The following TOPAZ1 variants were observed in gnomAD, a reference collection of about 807,000 sequenced individuals.
TOPAZ1 encodes the protein testis and ovary specific TOPAZ 1.
Under a neutral mutation model 172.2 loss-of-function variants are expected in TOPAZ1, and 66 were observed. The observed-to-expected ratio is 0.38, with a 90% CI of 0.31 to 0.47. The LOEUF is 0.47. TOPAZ1 is among the 20% of genes least tolerant of loss of function. The pLI is 0.99. For synonymous variants in TOPAZ1, 681 were observed against 683.9 expected (o/e 1.00, Z 0.07); for missense variants, 1,822 against 1,972.4 (o/e 0.92, Z 1.44).
chr3:44,257,218 C>T (rs932786879), intron 4 of TOPAZ1, among the ~76,000 whole-genome samples: 1 of 151,348 alleles, frequency 6.6e-6, no homozygotes, highest in African/African-American at 2.4e-5. Context: ...ACCTGTAGTC[C>T]CAGCTACTTG....
In TOPAZ1 at chr3:44,328,444, A is replaced by C. The variant is rs947766350; in HGVS notation, c.4859+11A>C. 6 of 1,490,896 alleles carry C rather than the reference A, an allele frequency of 4.0e-6. No individual in the cohort carries two copies. In the African/African-American group the frequency reaches 7.2e-5, roughly 18 times the overall value. The allele number at this position is 1,490,896 out of a possible 1,614,324, so 92.4% of individuals were successfully genotyped here. On this transcript the variant is annotated intron_variant, in intron 19 of 19. Coordinates refer to ENST00000309765, the MANE Select transcript of TOPAZ1 (RefSeq NM_001145030.2). ...GATAGTTTTGAAAAGGTTGGTTGAC[A>C]TAACTTTAACTGCATTCTGAATGTA... is the stretch of plus-strand genomic sequence containing the variant.
intron 18 of TOPAZ1, 131 bp from the exon 19 acceptor site, chr3:44,328,119 G>A: frequency 1.8e-6 from 1 of 546,012 alleles, no homozygotes; most frequent in Non-Finnish European, 3.1e-6. Context: ...AAGCTATCAT[G>A]TAATTTGTTA....
chr3:44,243,372 G>A lies in TOPAZ1; in HGVS notation c.866G>A (p.Gly289Glu). The change falls in exon 2 of 20, where the codon GGA becomes GAA. Residue 289 changes from glycine (G) to glutamate (E), a missense_variant. Gly to Glu is a moderately conservative substitution (Grantham distance 98). Around this residue, in one of 2 missense-constraint regions of TOPAZ1, gnomAD observed 1,489 missense variants for 1,490.8 expected, o/e 1.00. Transcript: ENST00000309765. ...QLLQTEENVMGVNKLLPEESD... is the reference protein window; with the variant it reads ...QLLQTEENVMEVNKLLPEESD... ...TTACAAACAGAAGAAAATGTAATGG[G>A]AGTAAATAAGTTACTACCAGAAGAG... The A allele has an allele frequency of 2.6e-6, 4 of 1,550,786 alleles. No homozygotes were observed. Among genetic ancestry groups the A allele is most frequent in the South Asian group, 2.4e-5 (2 of 83,820 alleles).
intron 7 of TOPAZ1, 34 bp downstream of exon 7, chr3:44,269,335 C>T: frequency 7.8e-7 from 1 of 1,277,802 alleles, no homozygotes; most frequent in East Asian, 2.5e-5. Context: ...AATAATCTGT[C>T]TCTTTCTCCT....
Position 44,310,424 on chromosome 3 carries a change from G to A in TOPAZ1, c.4306+434G>A, listed in dbSNP as rs190190361. On this transcript the variant is annotated intron_variant, in intron 16 of 19. Transcript: ENST00000309765. ...TGAGGCAGGAGAATCGCTTGAACCC[G>A]GGAGGCGGAGGTTGCAGTGAGCCGA... Among the ~76,000 whole-genome samples the A allele has an allele frequency of 4.2e-3, 636 of 152,188 alleles. 3 individuals are homozygous for A. The highest frequency in any genetic ancestry group is 6.1e-3 in the Non-Finnish European group (418 of 68,024).
Position 44,243,698 on chromosome 3 carries a change from G to T in TOPAZ1, c.1192G>T (p.Val398Phe), listed in dbSNP as rs888132836. ...TVSLMDHLLS[V>F]PETVEKETSS... is the part of the protein sequence containing the mutation. ...CTCTTTGATGGATCATTTATTAAGT[G>T]TCCCAGAAACAGTAGAAAAAGAAAC... The change falls in exon 2 of 20, where the codon GTC (valine) becomes TTC (phenylalanine). Residue 398 changes from valine (V) to phenylalanine (F), a missense_variant. Transcript: ENST00000309765. 1 of 1,550,358 alleles carries T rather than the reference G, an allele frequency of 6.5e-7. No individual in the cohort carries two copies. The highest frequency in any genetic ancestry group is 2.0e-5 in the Admixed American group (1 of 50,822).
At chr3:44,276,739 G>T in intron 8 of TOPAZ1, among the ~76,000 whole-genome samples, 1 of 140,324 alleles carries the variant, frequency 7.1e-6, no homozygotes, top group African/African-American at 2.6e-5. Flanking sequence ...AAATGACATT[G>T]GTATTTTAAT....
chr3:44,244,507 A>G lies in TOPAZ1; in HGVS notation c.2001A>G (p.Gln667=). The part of the protein sequence containing the change: ...KTIHRKACIA[Q]QTFIVPDLVK... ...TTCATCGAAAAGCATGCATTGCTCA[A>G]CAAACATTTATAGTTCCAGACTTGG... Residue 667 remains glutamine (Q), a synonymous_variant, in exon 2 of 20, where the codon CAA becomes CAG. Transcript: ENST00000309765. 1.9e-6 allele frequency: 3 copies of G among 1,551,616 alleles called. No individual in the cohort carries two copies. The highest frequency in any genetic ancestry group is 2.6e-6 in the Non-Finnish European group (3 of 1,146,954).
chr3:44,329,530 T>C (rs1490985587), intron 19 of TOPAZ1, among the ~76,000 whole-genome samples: 1 of 152,218 alleles, frequency 6.6e-6, no homozygotes, highest in African/African-American at 2.4e-5. Flanking sequence ...TTGTGACCTA[T>C]ATCAAGCAAG....
chr3:44,301,633 G>A (rs981791623), intron 12 of TOPAZ1, among the ~76,000 whole-genome samples: 10 of 152,044 alleles, frequency 6.6e-5, no homozygotes, highest in African/African-American at 1.2e-4. Context: ...TTTTCTGTTC[G>A]TATATTTGAG....
downstream of TOPAZ1, among the ~76,000 whole-genome samples, chr3:44,336,282 A>G (rs1474290628): frequency 6.6e-6 from 1 of 152,240 alleles, no homozygotes; most frequent in Admixed American, 6.5e-5. Flanking sequence ...ACAGGGCTAA[A>G]AAGGAGTAAA....
chr3:44,241,969 A>T lies in TOPAZ1; in HGVS notation c.-85A>T, dbSNP rs1311571045. The T allele has an allele frequency of 2.5e-5, 32 of 1,285,874 alleles. No individual in the cohort carries two copies. In the Admixed American group the frequency reaches 5.4e-4, roughly 22 times the overall value. 79.7% of individuals were successfully genotyped at this position (1,285,874 alleles called of 1,614,324 possible). ...TGGGGTGGGTCAGAGGGCAGTAGGT[A>T]CCTCCAGGCGGGAGCAGCGTTTGCA... On this transcript the variant is annotated 5_prime_UTR_variant, in exon 1 of 20. Coordinates refer to ENST00000309765, the MANE Select transcript of TOPAZ1 (RefSeq NM_001145030.2).
Position 44,297,077 on chromosome 3 carries a change from A to G in TOPAZ1, c.3797+6191A>G, listed in dbSNP as rs999098606. On this transcript the variant is annotated intron_variant, in intron 12 of 19. Transcript: ENST00000309765. ...TCCCAGCTACTTGATAGGCTAAGGC[A>G]GGAGAATCACTTGAACCCAGGAGGC... Among the ~76,000 whole-genome samples the G allele has an allele frequency of 2.6e-4, 39 of 151,644 alleles. 3 individuals are homozygous for G. The highest frequency in any genetic ancestry group is 1.5e-5 in the Non-Finnish European group (1 of 67,930).
chr3:44,287,817 C>A lies in TOPAZ1; in HGVS notation c.3659C>A (p.Ala1220Asp). ...ATMKLRNAVP[A>D]LIDIFCKLVE... ...ATGAAATTAAGGAATGCTGTACCTG[C>A]TTTAATTGATATCTTTTGCAAGGTA... Residue 1220 changes from alanine (A) to aspartate (D), a missense_variant, in exon 11 of 20, where the codon GCT (alanine) becomes GAT (aspartate). By Grantham distance (126) the Ala-to-Asp change is moderately radical. This residue lies in a region of TOPAZ1 where 1,489 missense variants were observed against 1,490.8 expected (regional missense o/e 1.00). Coordinates refer to ENST00000309765, the MANE Select transcript of TOPAZ1 (RefSeq NM_001145030.2). 1 of 1,460,792 alleles carries A rather than the reference C, an allele frequency of 6.8e-7. No homozygotes were observed. Among genetic ancestry groups the A allele is most frequent in the Non-Finnish European group, 9.3e-7 (1 of 1,077,688 alleles). The allele number at this position is 1,460,792 out of a possible 1,614,324, so 90.5% of individuals were successfully genotyped here. A position where few individuals can be genotyped will look rare whatever the true frequency, so the allele number is the denominator to read the frequency against.
At chr3:44,275,300 T>C (rs1002261271) in intron 8 of TOPAZ1, among the ~76,000 whole-genome samples, 9 of 152,172 alleles carry the variant, frequency 5.9e-5, no homozygotes, top group African/African-American at 2.2e-4. Context: ...TTAGAACTTA[T>C]ACCTTCCAAC....
intron 9 of TOPAZ1, among the ~76,000 whole-genome samples, chr3:44,287,134 C>A (rs2125692927): frequency 6.6e-6 from 1 of 152,288 alleles, no homozygotes; most frequent in South Asian, 2.1e-4. Flanking sequence ...ATGGGAATGG[C>A]AGTTTGGACC....
chr3:44,297,885 T>G (rs1195788780), intron 12 of TOPAZ1, among the ~76,000 whole-genome samples: 1 of 152,124 alleles, frequency 6.6e-6, no homozygotes, highest in Non-Finnish European at 1.5e-5. Flanking sequence ...TAATTTACAA[T>G]GGCTAAAAAC....
intron 2 of TOPAZ1, among the ~76,000 whole-genome samples, chr3:44,245,539 T>C (rs1448644700): frequency 2.1e-5 from 3 of 143,530 alleles, no homozygotes; most frequent in Non-Finnish European, 4.6e-5. Flanking sequence ...GCTTTTTTTT[T>C]TTTTTTTTTT....
intron 16 of TOPAZ1, among the ~76,000 whole-genome samples, chr3:44,312,757 G>C (rs1050255879): frequency 6.6e-6 from 1 of 152,122 alleles, no homozygotes; most frequent in Non-Finnish European, 1.5e-5. Flanking sequence ...TTGTTCAGAG[G>C]CTGAAAAATA....
Sources: allele counts gnomAD v4.1 joint callset (sites outside exome capture counted in the v4.1 genomes callset), GRCh38; gene constraint gnomAD v4.1.1; regional missense constraint gnomAD v4.1.1; transcripts MANE v1.5; gene names NCBI Gene and HGNC (gene_info 2026-07-23, HGNC 2026-07-21).